The following ZNF503 variants were observed in gnomAD, a reference collection of about 807,000 sequenced individuals.
ZNF503 encodes NocA-like zinc finger 2.
A neutral mutation model predicts 34.4 loss-of-function variants in ZNF503; 15 were observed. That is an observed-to-expected ratio of 0.44 (90% CI 0.29 to 0.67). ZNF503 has a LOEUF of 0.67. ZNF503 is among the 30% of genes least tolerant of loss of function. The pLI, the probability that ZNF503 is intolerant of heterozygous loss-of-function variation, is 0.13. For synonymous variants in ZNF503, 580 were observed against 456.8 expected (o/e 1.27, Z -3.44); for missense variants, 1,007 against 926.8 (o/e 1.09, Z -1.12).
downstream of ZNF503, among the ~76,000 whole-genome samples, chr10:75,395,308 G>C (rs566170165): frequency 6.6e-6 from 1 of 152,356 alleles, no homozygotes; most frequent in South Asian, 2.1e-4. This position sits in a 1 kb window ranked among gnomAD's most constrained non-coding sequence, Gnocchi z 4.4. Context: ...GAGAAGAGCA[G>C]GGGAGACGGT....
At chr10:75,331,192 T>G in the ZNF503 span, among the ~76,000 whole-genome samples, 76 of 152,242 alleles carry the variant, frequency 5.0e-4, no homozygotes, top group African/African-American at 1.8e-3. Context: ...TTGTTTTACA[T>G]TTGTTGAGAC....
the ZNF503 span, among the ~76,000 whole-genome samples, chr10:75,345,323 T>C: frequency 1.3e-5 from 2 of 151,976 alleles, no homozygotes; most frequent in African/African-American, 2.4e-5. Context: ...TGAGTCAGTC[T>C]CTCTAAGACC....
the ZNF503 span, among the ~76,000 whole-genome samples, chr10:75,318,512 T>C: frequency 1.9e-4 from 29 of 151,472 alleles, no homozygotes; most frequent in East Asian, 4.9e-3. Context: ...CTAAAAAAAA[T>C]AGAAAAATTA....
At chr10:75,387,607 G>A in the ZNF503 span, among the ~76,000 whole-genome samples, 1 of 152,174 alleles carries the variant, frequency 6.6e-6, no homozygotes, top group Non-Finnish European at 1.5e-5. Flanking sequence ...ACTAGGCCTG[G>A]TCCACTGGAA....
the ZNF503 span, among the ~76,000 whole-genome samples, chr10:75,381,724 GTGTATA>G: frequency 6.8e-6 from 1 of 148,016 alleles, no homozygotes; most frequent in Non-Finnish European, 1.5e-5. Context: ...TTTCAATTGT[GTGTATA>G]TGTGTGTGTG....
chr10:75,379,333 C>T, the ZNF503 span, among the ~76,000 whole-genome samples: 2 of 152,086 alleles, frequency 1.3e-5, no homozygotes, highest in Admixed American at 1.3e-4. Flanking sequence ...GACATGTGAC[C>T]ATTAACGATG....
At chr10:75,367,127 G>C in the ZNF503 span, among the ~76,000 whole-genome samples, 1 of 152,144 alleles carries the variant, frequency 6.6e-6, no homozygotes, top group East Asian at 1.9e-4. Flanking sequence ...TATCCATCTA[G>C]CAGGGCCTAC....
chr10:75,352,841 G>A, the ZNF503 span, among the ~76,000 whole-genome samples: 11 of 152,248 alleles, frequency 7.2e-5, no homozygotes. Flanking sequence ...GAGAGTACGG[G>A]ATGGACCAGG....
At chr10:75,325,692 C>T in the ZNF503 span, among the ~76,000 whole-genome samples, 1 of 152,182 alleles carries the variant, frequency 6.6e-6, no homozygotes, top group Admixed American at 6.5e-5. Flanking sequence ...AATGAATCTA[C>T]AGATCAATTT....
At chr10:75,379,233 A>G in the ZNF503 span, among the ~76,000 whole-genome samples, 1 of 152,186 alleles carries the variant, frequency 6.6e-6, no homozygotes, top group South Asian at 2.1e-4. Flanking sequence ...CGCGGAGTGA[A>G]ATGCATGCTA....
the ZNF503 span, among the ~76,000 whole-genome samples, chr10:75,333,520 C>T: frequency 1.7e-5 from 1 of 57,264 alleles, no homozygotes; most frequent in Non-Finnish European, 3.4e-5. Context: ...TCCTCACTTC[C>T]CAGTAGGGGC....
At chr10:75,400,608 C>T (rs1346269890) in intron 1 of ZNF503, among the ~76,000 whole-genome samples, 1 of 152,172 alleles carries the variant, frequency 6.6e-6, no homozygotes, top group African/African-American at 2.4e-5. Flanking sequence ...CCAGCAGCAT[C>T]TTTCCTGCCC....
the ZNF503 span, among the ~76,000 whole-genome samples, chr10:75,389,644 C>T: frequency 6.6e-5 from 10 of 152,184 alleles, no homozygotes; most frequent in Middle Eastern, 3.4e-3. Context: ...GCAGGAGAAT[C>T]GCTGGAACTC....
Position 75,401,334 on chromosome 10 carries a change from T to G in ZNF503, c.86A>C (p.Asp29Ala). The G allele has an allele frequency of 6.9e-7, 1 of 1,444,782 alleles. No homozygotes were observed. Among genetic ancestry groups the G allele is most frequent in the South Asian group, 1.2e-5 (1 of 83,306 alleles). 89.5% of individuals were successfully genotyped at this position (1,444,782 alleles called of 1,614,324 possible). A position where few individuals can be genotyped will look rare whatever the true frequency, so the allele number is the denominator to read the frequency against. Residue 29 changes from aspartate to alanine, a missense_variant, in exon 1 of 2, where the codon GAC becomes GCC. Coordinates refer to ENST00000372524, the MANE Select transcript of ZNF503 (RefSeq NM_032772.6). ...AGAGAGCGCGCTGGTCCAGGCAGGGTCTGCACCGCCGCCTCCGCCTCCGCC... is the reference window on the plus strand; with the variant it reads ...AGAGAGCGCGCTGGTCCAGGCAGGGGCTGCACCGCCGCCTCCGCCTCCGCC... The part of the protein sequence containing the change: ...GGGGGGGGGA[D>A]PAWTSALSGN...
the ZNF503 span, among the ~76,000 whole-genome samples, chr10:75,333,386 C>T: frequency 3.2e-4 from 15 of 47,384 alleles, no homozygotes; most frequent in Admixed American, 1.1e-3. Context: ...ACCTCCCGGA[C>T]GGGGCGGCTG....
chr10:75,329,752 C>T, the ZNF503 span, among the ~76,000 whole-genome samples: 2 of 152,174 alleles, frequency 1.3e-5, no homozygotes, highest in Non-Finnish European at 2.9e-5. Flanking sequence ...GCTGGGATTA[C>T]AGGCATGAGC....
At chr10:75,338,331 C>G in the ZNF503 span, 2 of 152,132 alleles carry the variant, frequency 1.3e-5, no homozygotes, top group Non-Finnish European at 2.9e-5. Context: ...GACGATGGTA[C>G]TTAAGGCTTT....
chr10:75,286,740 G>A, the ZNF503 span, among the ~76,000 whole-genome samples: 2 of 152,058 alleles, frequency 1.3e-5, no homozygotes, highest in South Asian at 4.1e-4. Flanking sequence ...CTCTTCTTTT[G>A]GGGGAAAGGT....
intron 1 of ZNF503, 152 bp downstream of exon 1, chr10:75,400,953 A>C: frequency 1.8e-6 from 2 of 1,129,132 alleles, no homozygotes; most frequent in Non-Finnish European, 2.5e-6. Flanking sequence ...TTTCCGCCCT[A>C]GTTTTGAGGT....
Sources: allele counts gnomAD v4.1 joint callset (sites outside exome capture counted in the v4.1 genomes callset), GRCh38; gene constraint gnomAD v4.1.1; non-coding constraint Gnocchi (gnomAD v3.1); transcripts MANE v1.5; gene names NCBI Gene and HGNC (gene_info 2026-07-23, HGNC 2026-07-21).